The following GRIA3 variants were observed in gnomAD, a reference collection of about 807,000 sequenced individuals.
GRIA3 encodes the protein glutamate ionotropic receptor AMPA type subunit 3.
GRIA3 carries 3 observed loss-of-function variants against 63.0 expected under a neutral mutation model. The ratio of observed to expected loss-of-function variants is 0.05; its 90% CI spans 0.02 to 0.12. The LOEUF is 0.12. Among genes scored for constraint, GRIA3 ranks in the 10% least tolerant of loss-of-function variants. GRIA3 has a pLI of 1.00. For missense variants in GRIA3, 347 were observed against 700.9 expected, an observed-to-expected ratio of 0.50 and a Z score of 5.70; for synonymous variants, 274 against 257.9, an observed-to-expected ratio of 1.06 and a Z score of -0.60.
At chrX:123,361,763 G>T (rs751962205) in intron 5 of GRIA3, among the ~76,000 whole-genome samples, 21 of 111,202 alleles carry the variant, frequency 1.9e-4, no homozygotes, top group Non-Finnish European at 3.6e-4. Flanking sequence ...GTTATAGCAA[G>T]ATGAATTAAA....
rs185721606 is a variant in GRIA3 at position 123,319,221 on chromosome X, A to C, written c.509-6805A>C. 1.5e-3 allele frequency among the ~76,000 whole-genome samples: 163 copies of C among 111,970 alleles called. 1 individual carries two copies. The highest frequency in any genetic ancestry group is 2.4e-3 in the Non-Finnish European group (125 of 53,149). On this transcript the variant is annotated intron_variant, in intron 3 of 15. Coordinates refer to ENST00000620443, the MANE Select transcript of GRIA3 (RefSeq NM_007325.5). Reference sequence around the variant, plus strand: ...ATCACCTACAGTATTCAGTACAGTAACATGCTGTACAGTTTTGTATCCTAG... The same window carrying C: ...ATCACCTACAGTATTCAGTACAGTACCATGCTGTACAGTTTTGTATCCTAG...
chrX:123,262,718 G>A (rs906136254), intron 3 of GRIA3, among the ~76,000 whole-genome samples: 1 of 112,012 alleles, frequency 8.9e-6, no homozygotes, highest in Admixed American at 9.5e-5. Context: ...AGATTGTGTG[G>A]TATGGATGTG....
intron 2 of GRIA3, among the ~76,000 whole-genome samples, chrX:123,215,901 G>A (rs1402166053): frequency 1.8e-5 from 2 of 111,562 alleles, no homozygotes; most frequent in Non-Finnish European, 3.8e-5. Flanking sequence ...TCCAGGGCTC[G>A]GTTCCAGCAA....
chrX:123,230,462 T>C (rs1051863385), intron 2 of GRIA3, among the ~76,000 whole-genome samples: 1 of 111,251 alleles, frequency 9.0e-6, no homozygotes, highest in African/African-American at 3.3e-5. Context: ...GAACCCTCCA[T>C]GTCAACCTAA....
intron 3 of GRIA3, among the ~76,000 whole-genome samples, chrX:123,279,922 T>C (rs1425904428): frequency 8.9e-6 from 1 of 111,990 alleles, no homozygotes; most frequent in Non-Finnish European, 1.9e-5. Flanking sequence ...TACAACATTA[T>C]AATTATATTT....
rs191367329 is a variant in GRIA3, at chrX:123,385,066, C to A, written c.751-9902C>A. On this transcript the variant is annotated intron_variant, in intron 5 of 15. Transcript: ENST00000620443. ...GCTTTTGGCATCTTCCTCATGAAAT[C>A]TTTGCCTTTTCCTATGTCCTAAATG... 1.2e-4 allele frequency among the ~76,000 whole-genome samples: 14 copies of A among 112,036 alleles called. No homozygotes were observed. The East Asian group carries it at 3.9e-3, about 31-fold the overall frequency.
intron 13 of GRIA3, 55 bp downstream of exon 13, chrX:123,465,167 A>G: frequency 9.0e-7 from 1 of 1,105,713 alleles, no homozygotes; most frequent in Non-Finnish European, 1.2e-6. Context: ...ACCTACCCTG[A>G]TGCATTTTGT....
At chrX:123,354,720 G>T (rs2045121869) in intron 4 of GRIA3, among the ~76,000 whole-genome samples, 190 bp from the exon 5 acceptor site, 1 of 111,060 alleles carries the variant, frequency 9.0e-6, no homozygotes, top group African/African-American at 3.3e-5. Flanking sequence ...GACATTTTAA[G>T]TTTGGTATTA....
At chrX:123,263,651 C>G (rs1162103405) in intron 3 of GRIA3, among the ~76,000 whole-genome samples, 1 of 111,982 alleles carries the variant, frequency 8.9e-6, no homozygotes, top group Non-Finnish European at 1.9e-5. Context: ...AATGGGTCTC[C>G]GTTTTGTTAA....
rs498309 is a variant in GRIA3, at chrX:123,436,513, C to G, written c.2076+8374C>G. Among the ~76,000 whole-genome samples, 869 of 112,467 alleles carry G rather than the reference C, an allele frequency of 7.7e-3. 8 individuals are homozygous for G. Among genetic ancestry groups the G allele is most frequent in the African/African-American group, 0.026 (815 of 30,968 alleles). On this transcript the variant is annotated intron_variant, in intron 12 of 15. Coordinates refer to ENST00000620443, the MANE Select transcript of GRIA3 (RefSeq NM_007325.5). Reference sequence around the variant, plus strand: ...TCAATATGCACAATTTAGAGCTGCCCTTGAAGACCATCTAGAAACTTTAGG... The same window carrying G: ...TCAATATGCACAATTTAGAGCTGCCGTTGAAGACCATCTAGAAACTTTAGG...
At chrX:123,319,110 C>T (rs779119040) in intron 3 of GRIA3, among the ~76,000 whole-genome samples, 1 of 111,632 alleles carries the variant, frequency 9.0e-6, no homozygotes, top group Non-Finnish European at 1.9e-5. Flanking sequence ...ATTCAATTAC[C>T]TCCCCCTGGG....
chrX:123,412,994 C>T (rs773446095), intron 10 of GRIA3, among the ~76,000 whole-genome samples: 1 of 111,493 alleles, frequency 9.0e-6, no homozygotes, highest in South Asian at 3.8e-4. Flanking sequence ...GATGATTCTT[C>T]CTGTTGTCTT....
At chrX:123,331,025 A>G (rs1047135466) in intron 4 of GRIA3, among the ~76,000 whole-genome samples, 1 of 112,094 alleles carries the variant, frequency 8.9e-6, no homozygotes, top group African/African-American at 3.2e-5. Flanking sequence ...CTGTCCCCTT[A>G]AAAAGATTTA....
chrX:123,458,177 A>T (rs944313825), intron 12 of GRIA3, among the ~76,000 whole-genome samples: 2 of 109,623 alleles, frequency 1.8e-5, no homozygotes, highest in African/African-American at 6.6e-5. Flanking sequence ...CACTCATTCC[A>T]CCGACACATA....
chrX:123,222,266 A>G, intron 2 of GRIA3, among the ~76,000 whole-genome samples: 1 of 112,158 alleles, frequency 8.9e-6, no homozygotes, highest in East Asian at 2.8e-4. Flanking sequence ...TACTTAACAC[A>G]TAGCAGACAC....
rs754894184 is a variant in GRIA3, at chrX:123,397,933, T to C, written c.913-703T>C. ...ATTTAGTGACTGACCTCATCCCTAG[T>C]AGAGCATATCAATATATCCAAGGAA... On this transcript the variant is annotated intron_variant, in intron 6 of 15. Transcript: ENST00000620443. Among the ~76,000 whole-genome samples the C allele has an allele frequency of 2.0e-3, 227 of 112,172 alleles. 1 individual carries two copies. Among genetic ancestry groups the C allele is most frequent in the Middle Eastern group, 9.1e-3 (2 of 219 alleles).
At chrX:123,393,319 T>A (rs1180170685) in intron 5 of GRIA3, among the ~76,000 whole-genome samples, 4 of 112,473 alleles carry the variant, frequency 3.6e-5, no homozygotes, top group African/African-American at 1.3e-4. Context: ...TCTACAGATA[T>A]TGTTTATGTT....
chrX:123,263,886 G>A (rs1238621453), intron 3 of GRIA3, among the ~76,000 whole-genome samples: 1 of 112,102 alleles, frequency 8.9e-6, no homozygotes, highest in Non-Finnish European at 1.9e-5. Flanking sequence ...GACAAATAAA[G>A]GAAACTCTAC....
chrX:123,326,034 A>G lies in GRIA3; in HGVS notation c.517A>G (p.Ile173Val). 1 of 1,206,888 alleles carries G rather than the reference A, an allele frequency of 8.3e-7. No individual in the cohort carries two copies. The highest frequency in any genetic ancestry group is 1.7e-5 in the African/African-American group (1 of 57,638). The change falls in exon 4 of 16, where the codon ATC (isoleucine) becomes GTC (valine). Residue 173 changes from isoleucine (I) to valine (V), a missense_variant. By Grantham distance (29) the Ile-to-Val change is conservative (BLOSUM62 3). This residue lies in a region of GRIA3 where 113 missense variants were observed against 130.6 expected (regional missense o/e 0.87). Transcript: ENST00000620443. ...YLYDTERGFS[I>V]LQAIMEAAVQ... ...GTTTTTCCTTCCTTCAGGATTTTCCATCCTCCAAGCGATTATGGAAGCAGC... is the reference window on the plus strand; with the variant it reads ...GTTTTTCCTTCCTTCAGGATTTTCCGTCCTCCAAGCGATTATGGAAGCAGC...
Sources: gnomAD v4.1 joint callset for allele counts (sites outside exome capture counted in the v4.1 genomes callset) on GRCh38, gnomAD v4.1.1 for gene constraint, gnomAD v4.1.1 regional missense constraint, MANE v1.5 for transcripts, NCBI Gene and HGNC (gene_info 2026-07-23, HGNC 2026-07-21) for gene names.